Variants in AGBL4 observed in about 807,000 individuals in gnomAD.
AGBL4 encodes the protein AGBL carboxypeptidase 4, also known as cytosolic carboxypeptidase 6.
Under a neutral mutation model 66.4 loss-of-function variants are expected in AGBL4, and 58 were observed. That is an observed-to-expected ratio of 0.87 (90% CI 0.71 to 1.09). The LOEUF is 1.09. Ranked by LOEUF, AGBL4 falls within the 50% of genes least tolerant of loss-of-function variation. The probability of loss-of-function intolerance (pLI) is 0.00; values close to 1 mark genes in which losing one functional copy is unlikely to be tolerated. For missense variants in AGBL4, 579 were observed against 631.0 expected, an observed-to-expected ratio of 0.92 and a Z score of 0.88; for synonymous variants, 234 against 222.9, an observed-to-expected ratio of 1.05 and a Z score of -0.44.
At chr1:49,584,159 C>G (rs1193681645) in intron 3 of AGBL4, among the ~76,000 whole-genome samples, 1 of 152,184 alleles carries the variant, frequency 6.6e-6, no homozygotes, top group Non-Finnish European at 1.5e-5. Flanking sequence ...AAACACTTTA[C>G]TTCAGGCTTT....
intron 3 of AGBL4, among the ~76,000 whole-genome samples, chr1:49,446,778 A>T (rs1478434879): frequency 2.6e-5 from 4 of 152,170 alleles, no homozygotes; most frequent in African/African-American, 7.2e-5. Context: ...GACTAAACTT[A>T]TACACGTAGG....
intron 3 of AGBL4, among the ~76,000 whole-genome samples, chr1:49,664,650 C>T (rs1646328612): frequency 1.3e-5 from 2 of 152,028 alleles, no homozygotes; most frequent in South Asian, 4.1e-4. Context: ...TGCATAATAA[C>T]ACTTTTATTC....
At chr1:49,519,357 C>T (rs1464025268) in intron 3 of AGBL4, among the ~76,000 whole-genome samples, 1 of 151,968 alleles carries the variant, frequency 6.6e-6, no homozygotes. Flanking sequence ...ATCTATAAAA[C>T]AACTTAAAGA....
intron 1 of AGBL4, among the ~76,000 whole-genome samples, chr1:49,938,500 G>A (rs1243116377): frequency 1.3e-5 from 2 of 152,096 alleles, no homozygotes; most frequent in Non-Finnish European, 2.9e-5. Flanking sequence ...ATTTTATGAG[G>A]ACAGCACATC....
intron 6 of AGBL4, among the ~76,000 whole-genome samples, chr1:48,713,567 A>G (rs1647001029): frequency 6.6e-6 from 1 of 152,126 alleles, no homozygotes; most frequent in African/African-American, 2.4e-5. Context: ...TTTTCCAGAG[A>G]ATGAGCCCTA....
At chr1:49,787,545 G>A (rs1004716756) in intron 2 of AGBL4, among the ~76,000 whole-genome samples, 9 of 151,604 alleles carry the variant, frequency 5.9e-5, no homozygotes, top group Non-Finnish European at 1.0e-4. Flanking sequence ...AGACAAAAAC[G>A]TGAGGAAAGA....
At chr1:49,313,525 C>T (rs1050614819) in intron 3 of AGBL4, among the ~76,000 whole-genome samples, 1 of 152,140 alleles carries the variant, frequency 6.6e-6, no homozygotes, top group African/African-American at 2.4e-5. Flanking sequence ...TCCACATGCT[C>T]TCCAGCATCT....
chr1:49,722,431 T>C (rs1648679404), intron 2 of AGBL4, among the ~76,000 whole-genome samples: 1 of 152,138 alleles, frequency 6.6e-6, no homozygotes, highest in East Asian at 1.9e-4. Context: ...TATCTTGATG[T>C]ACAGGAATTA....
In AGBL4 at chr1:49,532,177, G is replaced by C. The variant is rs139899533; in HGVS notation, c.282+165136C>G. Among the ~76,000 whole-genome samples, 717 of 152,200 alleles carry C rather than the reference G, an allele frequency of 4.7e-3. 8 individuals carry two copies. The highest frequency in any genetic ancestry group is 0.017 in the African/African-American group (691 of 41,536). On this transcript the variant is annotated intron_variant, in intron 3 of 13. Coordinates refer to ENST00000371839, the MANE Select transcript of AGBL4 (RefSeq NM_032785.4). ...ACTCTAGCTGAAAGCAAACTAGACTGTCATCTCTATGAAGGCAGGCAGGAT... is the reference window on the plus strand; with the variant it reads ...ACTCTAGCTGAAAGCAAACTAGACTCTCATCTCTATGAAGGCAGGCAGGAT...
intron 3 of AGBL4, among the ~76,000 whole-genome samples, chr1:49,286,133 C>T (rs1256113419): frequency 9.9e-5 from 15 of 152,142 alleles, no homozygotes; most frequent in African/African-American, 3.6e-4. Flanking sequence ...TCAATAGATG[C>T]AGAAAAAGCC....
At chr1:49,984,229 G>A (rs1371902175) in intron 1 of AGBL4, among the ~76,000 whole-genome samples, 1 of 152,160 alleles carries the variant, frequency 6.6e-6, no homozygotes. Flanking sequence ...CACAGATTCT[G>A]ACTAACTGAC....
intron 7 of AGBL4, among the ~76,000 whole-genome samples, chr1:48,660,033 G>A (rs533916820): frequency 2.6e-5 from 4 of 152,332 alleles, no homozygotes; most frequent in South Asian, 2.1e-4. Context: ...TTCATGCTTC[G>A]CAGTGTAGCA....
At chr1:48,812,955 T>G (rs1057048873) in intron 6 of AGBL4, among the ~76,000 whole-genome samples, 2 of 150,854 alleles carry the variant, frequency 1.3e-5, no homozygotes, top group African/African-American at 4.9e-5. Context: ...CACTGGGGAC[T>G]GTTGTGGGGT....
intron 3 of AGBL4, among the ~76,000 whole-genome samples, chr1:49,624,002 AGTGT>A (rs34356093): frequency 0.01 from 1,521 of 149,396 alleles, 13 homozygotes; most frequent in African/African-American, 0.024. Context: ...GATGAGAGAG[AGTGT>A]GTGTGTGTGT....
chr1:49,174,915 C>T (rs1276614590), intron 4 of AGBL4: 3 of 151,948 alleles, frequency 2.0e-5, no homozygotes, highest in African/African-American at 7.3e-5. Flanking sequence ...AGAAGGAATA[C>T]TGAATGTCTG....
At chr1:49,131,550 G>T (rs1021410198) in intron 4 of AGBL4, among the ~76,000 whole-genome samples, 2 of 152,038 alleles carry the variant, frequency 1.3e-5, no homozygotes, top group African/African-American at 4.8e-5. Flanking sequence ...CAAATTAGGG[G>T]CTTAGGAAGA....
chr1:48,980,696 A>C (rs1213331170), intron 5 of AGBL4, among the ~76,000 whole-genome samples: 1 of 128,664 alleles, frequency 7.8e-6, no homozygotes, highest in Non-Finnish European at 1.6e-5. Context: ...GATTGGAATT[A>C]GTGTTTAAAA....
rs142876923 is a variant in AGBL4 at position 49,456,810 on chromosome 1, G to A, written c.283-210946C>T. ...CATAACTTAGCTCCCAATTATGAGC[G>A]AGAACATACGATGTTTGGTTTTCCA... is the stretch of plus-strand genomic sequence containing the variant. On this transcript the variant is annotated intron_variant, in intron 3 of 13. Transcript: ENST00000371839. Among the ~76,000 whole-genome samples, 1,235 of 151,762 alleles carry A rather than the reference G, an allele frequency of 8.1e-3. 49 individuals are homozygous for A. The highest frequency in any genetic ancestry group is 0.059 in the Admixed American group (895 of 15,202).
chr1:49,482,994 A>G (rs1163485044), intron 3 of AGBL4, among the ~76,000 whole-genome samples: 1 of 151,944 alleles, frequency 6.6e-6, no homozygotes, highest in Non-Finnish European at 1.5e-5. Flanking sequence ...GAATGTTATG[A>G]TTTCAGTTAT....
Sources: allele counts gnomAD v4.1 joint callset (sites outside exome capture counted in the v4.1 genomes callset), GRCh38; gene constraint gnomAD v4.1.1; transcripts MANE v1.5; gene names NCBI Gene and HGNC (gene_info 2026-07-23, HGNC 2026-07-21).